Variants in HSPG2 observed in about 807,000 individuals in gnomAD.
HSPG2 encodes the protein basement membrane-specific heparan sulfate proteoglycan core protein.
In HSPG2, 278 loss-of-function variants were observed where a neutral mutation model predicts 526.6. The observed-to-expected ratio is 0.53, with a 90% CI of 0.48 to 0.58. The LOEUF (loss-of-function observed/expected upper bound fraction) is 0.58, where lower values mean the gene tolerates loss of function less well. Ranked by LOEUF, HSPG2 falls within the 20% of genes least tolerant of loss-of-function variation. The pLI is 0.00. For synonymous variants in HSPG2, 2,465 were observed against 2,555.4 expected (o/e 0.96, Z 1.07); for missense variants, 5,354 against 6,099.5 (o/e 0.88, Z 4.07).
Position 21,887,679 on chromosome 1 carries a change from G to A in HSPG2, c.704-5C>T, listed in dbSNP as rs765002113. On this transcript the variant is annotated splice_region_variant and splice_polypyrimidine_tract_variant and intron_variant, in intron 7 of 96. Transcript: ENST00000374695. The surrounding 1 kb of genome is among the most constrained non-coding windows in gnomAD (Gnocchi z 5.0). Reference sequence around the variant, plus strand: ...TGATACCCAGGACTGGCTCCTCTGTGGATAGATTCCGCTTGGCATTTGGCA... The same window carrying A: ...TGATACCCAGGACTGGCTCCTCTGTAGATAGATTCCGCTTGGCATTTGGCA... 1.9e-6 allele frequency: 3 copies of A among 1,613,920 alleles called. No homozygotes were observed. In the Admixed American group the frequency reaches 5.0e-5, roughly 27 times the overall value.
At position 21,884,103 on chromosome 1, in the gene HSPG2, C is replaced by T. The variant is rs537624568; in HGVS notation, c.1654+425G>A. ...AAATACCTCCTGGGTGCTGAAAATG[C>T]GCTGAGCACAATTCTGAGAGGCTTA... is the stretch of plus-strand genomic sequence containing the variant. On this transcript the variant is annotated intron_variant, in intron 13 of 96. Transcript: ENST00000374695. Among the ~76,000 whole-genome samples, 187 of 152,306 alleles carry T rather than the reference C, an allele frequency of 1.2e-3. 1 individual carries two copies. Among genetic ancestry groups the T allele is most frequent in the African/African-American group, 4.1e-3 (171 of 41,570 alleles).
intron 33 of HSPG2, among the ~76,000 whole-genome samples, chr1:21,867,095 G>A (rs947964197): frequency 1.5e-5 from 2 of 135,840 alleles, no homozygotes; most frequent in African/African-American, 5.6e-5. Flanking sequence ...AAATAGAGAT[G>A]GGGTCGCCCT....
In HSPG2 at chr1:21,854,782, G is replaced by T. The variant is rs761922074; in HGVS notation, c.6134-17C>A. On this transcript the variant is annotated splice_polypyrimidine_tract_variant and intron_variant, in intron 48 of 96. Coordinates refer to ENST00000374695, the MANE Select transcript of HSPG2 (RefSeq NM_005529.7). ...CATCTGAGGCTGGGGCCAGAGTAGG[G>T]GTCAGCAGGCCCCAGGGGAGCCCTG... is the stretch of plus-strand genomic sequence containing the variant. 3 of 1,613,294 alleles carry T rather than the reference G, an allele frequency of 1.9e-6. No homozygotes were observed. In the African/African-American group the frequency reaches 4.0e-5, roughly 22 times the overall value.
At chr1:21,866,336 G>A (rs1042449227) in intron 33 of HSPG2, among the ~76,000 whole-genome samples, 4 of 152,204 alleles carry the variant, frequency 2.6e-5, no homozygotes, top group African/African-American at 9.7e-5. Context: ...TGCAGACCAT[G>A]TGGTCTGAGG....
At chr1:21,834,655 A>G (rs529507449) in intron 77 of HSPG2, 24 bp downstream of exon 77, 1 of 1,613,512 alleles carries the variant, frequency 6.2e-7, no homozygotes, top group African/African-American at 1.3e-5. Flanking sequence ...CTGTCCCCCA[A>G]CAAAAGTCCC....
rs375625657 is a variant in HSPG2, at chr1:21,854,958, G to A, written c.6023C>T (p.Ala2008Val). Residue 2008 changes from alanine to valine, a missense_variant, in exon 48 of 97, where the codon GCG becomes GTG. By Grantham distance (64) the Ala-to-Val change is moderately conservative (BLOSUM62 0). Coordinates refer to ENST00000374695, the MANE Select transcript of HSPG2 (RefSeq NM_005529.7). ...CGTGATGGCTGGGATGAGCAGTGTCGCGATGTCTGTGCGCTCTGACCGGGC... is the reference window on the plus strand; with the variant it reads ...CGTGATGGCTGGGATGAGCAGTGTCACGATGTCTGTGCGCTCTGACCGGGC... Reference protein sequence around the residue: ...PQARSERTDIATLLIPAITTA... With the variant: ...PQARSERTDIVTLLIPAITTA... 8.7e-6 allele frequency: 14 copies of A among 1,613,670 alleles called. No homozygotes were observed. The highest frequency in any genetic ancestry group is 1.1e-5 in the Non-Finnish European group (13 of 1,180,028).
In HSPG2 at chr1:21,893,142, A is replaced by G. The variant is rs1321000384; in HGVS notation, c.245-2448T>C. 6.6e-6 allele frequency among the ~76,000 whole-genome samples: 1 copy of G among 152,186 alleles called. No homozygotes were observed. Among genetic ancestry groups the G allele is most frequent in the African/African-American group, 2.4e-5 (1 of 41,446 alleles). ...AACTCCTGATTCCCATCCCTGCTCA[A>G]CAGAACTCTCTGCAACACACCCAGG... On this transcript the variant is annotated intron_variant, in intron 3 of 96. Transcript: ENST00000374695. This position sits in a 1 kb window ranked among gnomAD's most constrained non-coding sequence, Gnocchi z 4.3.
intron 29 of HSPG2, 50 bp from the exon 30 acceptor site, chr1:21,873,474 C>T (rs994428246): frequency 3.2e-6 from 5 of 1,579,576 alleles, no homozygotes; most frequent in Non-Finnish European, 4.4e-6. Context: ...GGAAGCAGAA[C>T]CCCAGGGCTG....
In HSPG2 at chr1:21,876,359, G is replaced by A; in HGVS notation, c.2873C>T (p.Ala958Val). 6.2e-7 allele frequency: 1 copy of A among 1,613,326 alleles called. No individual in the cohort carries two copies. Among genetic ancestry groups the A allele is most frequent in the Non-Finnish European group, 8.5e-7 (1 of 1,179,722 alleles). ...EEPGHFSLTN[A>V]ASTHTTNEGI... ...CTCGTTGGTGGTGTGGGTGCTTGCG[G>A]CGTTGGTCAGGCTGAAGTGACCAGG... is the stretch of plus-strand genomic sequence containing the variant. Residue 958 changes from alanine (A) to valine (V), a missense_variant, in exon 23 of 97, where the codon GCC becomes GTC. Ala to Val is a moderately conservative substitution (Grantham distance 64). Coordinates refer to ENST00000374695, the MANE Select transcript of HSPG2 (RefSeq NM_005529.7).
intron 1 of HSPG2, among the ~76,000 whole-genome samples, chr1:21,897,617 G>A (rs1449059202): frequency 6.6e-6 from 1 of 152,190 alleles, no homozygotes; most frequent in African/African-American, 2.4e-5. Flanking sequence ...TCAAACCACT[G>A]ATTGATAGGT....
rs1337139833 is a variant in HSPG2 at position 21,844,303 on chromosome 1, G to C, written c.8465-4C>G. On this transcript the variant is annotated splice_polypyrimidine_tract_variant and splice_region_variant and intron_variant, in intron 64 of 96. Transcript: ENST00000374695. Reference sequence around the variant, plus strand: ...ATGGGTGGGGCTCCACCTGGGGCTGGGGCACAGGGGAGAGGTCAGTGAGCT... The same window carrying C: ...ATGGGTGGGGCTCCACCTGGGGCTGCGGCACAGGGGAGAGGTCAGTGAGCT... 12 of 1,610,858 alleles carry C rather than the reference G, an allele frequency of 7.4e-6. No homozygotes were observed. In the Admixed American group the frequency reaches 1.5e-4, roughly 20 times the overall value.
At chr1:21,926,402 C>T (rs1644192664) in intron 1 of HSPG2, among the ~76,000 whole-genome samples, 1 of 151,986 alleles carries the variant, frequency 6.6e-6, no homozygotes, top group African/African-American at 2.4e-5. Flanking sequence ...GGTTTCTGTT[C>T]CTCTGGCCTA....
In HSPG2 at chr1:21,859,848, C is replaced by A; in HGVS notation, c.5169G>T (p.Gln1723His). 2 of 1,611,394 alleles carry A rather than the reference C, an allele frequency of 1.2e-6. No individual in the cohort carries two copies. The highest frequency in any genetic ancestry group is 1.7e-6 in the Non-Finnish European group (2 of 1,179,640). ...GGCCATGGGTACCTTGATGTCGCTG[C>A]TGGGTGCCGCTGGGCACAGGCCGCC... ...EDGRPVPSGT[Q>H]QRHQGSELHF... is the part of the protein sequence containing the mutation. The change falls in exon 41 of 97, where the codon CAG becomes CAT. Residue 1723 changes from glutamine (Q) to histidine (H), a missense_variant. Coordinates refer to ENST00000374695, the MANE Select transcript of HSPG2 (RefSeq NM_005529.7). This position sits in a 1 kb window ranked among gnomAD's most constrained non-coding sequence, Gnocchi z 5.3.
Position 21,872,679 on chromosome 1 carries a change from G to A in HSPG2, c.3970C>T (p.Pro1324Ser), listed in dbSNP as rs1277001713. 4.4e-6 allele frequency: 7 copies of A among 1,605,232 alleles called. No homozygotes were observed. Among genetic ancestry groups the A allele is most frequent in the African/African-American group, 1.3e-5 (1 of 74,852 alleles). ...TGGGTGATGCCCATACAGAAGCAGG[G>A]CAGGCAGCCGTCTGGGTTGCTGGCA... ...LSASNPDGCLPCFCMGITQQC... is the reference protein window; with the variant it reads ...LSASNPDGCLSCFCMGITQQC... Residue 1324 changes from proline to serine, a missense_variant, in exon 32 of 97, where the codon CCC (proline) becomes TCC (serine). By Grantham distance (74) the Pro-to-Ser change is moderately conservative. Coordinates refer to ENST00000374695, the MANE Select transcript of HSPG2 (RefSeq NM_005529.7). This position sits in a 1 kb window ranked among gnomAD's most constrained non-coding sequence, Gnocchi z 5.5.
intron 37 of HSPG2, among the ~76,000 whole-genome samples, chr1:21,862,954 A>G (rs2315928): frequency 0.94 from 141,912 of 150,996 alleles, 67,192 homozygotes; most frequent in Non-Finnish European, 1. Context: ...CAGCTACTCC[A>G]GAGGCTGAGG....
Position 21,833,347 on chromosome 1 carries a change from G to A in HSPG2, c.11016C>T (p.Ser3672=), listed in dbSNP as rs1428572454. 5 of 1,614,172 alleles carry A rather than the reference G, an allele frequency of 3.1e-6. No homozygotes were observed. Among genetic ancestry groups the A allele is most frequent in the Non-Finnish European group, 1.7e-6 (2 of 1,180,006 alleles). The change falls in exon 80 of 97, where the codon TCC becomes TCT. Residue 3672 remains serine, a synonymous_variant. Transcript: ENST00000374695. ...CCTTGATGGTGGGCAGCGGTAGGAA[G>A]GAGTAGGGGGTCTGCGTGAAGTAGG... The part of the protein sequence containing the change: ...VVPYFTQTPY[S]FLPLPTIKDA...
rs748506946 is a variant in HSPG2 at position 21,876,322 on chromosome 1, G to A, written c.2910C>T (p.Ser970=). ...AGAATCCCAGTTCCCCGGGCGTGGG[G>A]GAGAAGATGCCCTCGTTGGTGGTGT... The part of the protein sequence containing the change: ...STHTTNEGIF[S]PTPGELGFSS... The change falls in exon 23 of 97, where the codon TCC becomes TCT. Residue 970 remains serine, a synonymous_variant. Transcript: ENST00000374695. 3.3e-5 allele frequency: 53 copies of A among 1,613,954 alleles called. 1 individual carries two copies. The South Asian group carries it at 5.3e-4, about 16-fold the overall frequency.
intron 47 of HSPG2, 112 bp from the exon 48 acceptor site, chr1:21,855,095 C>A: frequency 7.0e-7 from 1 of 1,425,610 alleles, no homozygotes. Flanking sequence ...TATTAGGGCC[C>A]AGTGGGGCAT....
At position 21,843,302 on chromosome 1, in the gene HSPG2, A is replaced by T; in HGVS notation, c.8753T>A (p.Ile2918Asn). ...CACTGCTCCCTATCACTCACCAGGAATGGGTCCTGGGCTGGAGGGCTCAAT... is the reference window on the plus strand; with the variant it reads ...CACTGCTCCCTATCACTCACCAGGATTGGGTCCTGGGCTGGAGGGCTCAAT... The part of the protein sequence containing the change: ...VTIEPSSPGP[I>N]PAPGLAQPIY... The change falls in exon 66 of 97, where the codon ATT (isoleucine) becomes AAT (asparagine). Residue 2918 changes from isoleucine to asparagine, a missense_variant. Transcript: ENST00000374695. 6.2e-7 allele frequency: 1 copy of T among 1,614,028 alleles called. No individual in the cohort carries two copies. The highest frequency in any genetic ancestry group is 8.5e-7 in the Non-Finnish European group (1 of 1,180,018).
Sources: gnomAD v4.1 joint callset for allele counts (sites outside exome capture counted in the v4.1 genomes callset) on GRCh38, gnomAD v4.1.1 for gene constraint, Gnocchi (gnomAD v3.1) non-coding constraint, MANE v1.5 for transcripts, NCBI Gene and HGNC (gene_info 2026-07-23, HGNC 2026-07-21) for gene names.